PTPRN2: variants seen among roughly 807,000 people sequenced by gnomAD.
The protein encoded by PTPRN2 is protein tyrosine phosphatase receptor type N2, also known as receptor-type tyrosine-protein phosphatase N2.
In PTPRN2, 74 loss-of-function variants were observed where a neutral mutation model predicts 118.8. That is an observed-to-expected ratio of 0.62 (90% confidence interval 0.52 to 0.76). The LOEUF is 0.76. PTPRN2 is among the 30% of genes least tolerant of loss of function. PTPRN2 has a pLI of 0.00. For missense variants in PTPRN2, 1,481 were observed against 1,394.4 expected (o/e 1.06, Z -0.99); for synonymous variants, 641 against 608.0 (o/e 1.05, Z -0.80).
intron 2 of PTPRN2, among the ~76,000 whole-genome samples, chr7:158,481,200 C>G (rs1203516285): frequency 6.6e-6 from 1 of 152,250 alleles, no homozygotes; most frequent in Non-Finnish European, 1.5e-5. Flanking sequence ...CATGCTAAAT[C>G]TATGGCTGCC....
chr7:158,584,737 A>G (rs990971205), intron 1 of PTPRN2, among the ~76,000 whole-genome samples: 4 of 152,240 alleles, frequency 2.6e-5, no homozygotes, highest in African/African-American at 9.6e-5. Context: ...ATAAGTCAGC[A>G]TCGTGGAGTG....
intron 3 of PTPRN2, among the ~76,000 whole-genome samples, chr7:158,232,626 A>C (rs1245711399): frequency 6.6e-6 from 1 of 152,098 alleles, no homozygotes; most frequent in Non-Finnish European, 1.5e-5. Context: ...CAAAAGCTGA[A>C]AAGACAAGAC....
intron 11 of PTPRN2, among the ~76,000 whole-genome samples, chr7:157,952,002 C>T (rs1043407220): frequency 2.0e-5 from 3 of 152,218 alleles, no homozygotes; most frequent in South Asian, 2.1e-4. Context: ...GCCTGCGCCC[C>T]GCACTGCGTT....
chr7:158,232,300 G>A (rs1829208082), intron 3 of PTPRN2, among the ~76,000 whole-genome samples: 1 of 151,960 alleles, frequency 6.6e-6, no homozygotes, highest in African/African-American at 2.4e-5. Flanking sequence ...GGAATAAAAA[G>A]GATCATTAGA....
intron 11 of PTPRN2, among the ~76,000 whole-genome samples, chr7:157,909,160 A>T (rs774755316): frequency 1.1e-4 from 16 of 152,188 alleles, no homozygotes; most frequent in Non-Finnish European, 1.3e-4. Context: ...AATCCAATCC[A>T]CTGTCTTTTT....
At chr7:158,369,825 C>A (rs1208192136) in intron 2 of PTPRN2, among the ~76,000 whole-genome samples, 5 of 152,156 alleles carry the variant, frequency 3.3e-5, no homozygotes, top group African/African-American at 9.7e-5. Context: ...TAAAAAGCAT[C>A]TGATTTGTGT....
At chr7:158,365,024 TCATA>T (rs1417936014) in intron 2 of PTPRN2, among the ~76,000 whole-genome samples, 1 of 151,968 alleles carries the variant, frequency 6.6e-6, no homozygotes, top group Admixed American at 6.6e-5. Flanking sequence ...ATACATACAT[TCATA>T]CAGACACACA....
rs568707196 is a variant in PTPRN2, at chr7:157,728,672, C to T, written c.1789-45735G>A. Among the ~76,000 whole-genome samples, 111 of 152,308 alleles carry T rather than the reference C, an allele frequency of 7.3e-4. 1 individual carries two copies. The highest frequency in any genetic ancestry group is 2.5e-3 in the African/African-American group (105 of 41,568). On this transcript the variant is annotated intron_variant, in intron 12 of 22. Coordinates refer to ENST00000389418, the MANE Select transcript of PTPRN2 (RefSeq NM_002847.5). Reference sequence around the variant, plus strand: ...TGGGGCCTCAAAACCTGCCTGTCTGCGGCTCCTTCCTTTGCCTGGCTGCTA... The same window carrying T: ...TGGGGCCTCAAAACCTGCCTGTCTGTGGCTCCTTCCTTTGCCTGGCTGCTA...
chr7:158,193,252 G>A (rs1415341664), intron 4 of PTPRN2, among the ~76,000 whole-genome samples: 1 of 152,198 alleles, frequency 6.6e-6, no homozygotes, highest in African/African-American at 2.4e-5. Context: ...GGCTGGCCAG[G>A]GGCCCCATGG....
At chr7:157,797,680 G>A (rs543249858) in intron 12 of PTPRN2, among the ~76,000 whole-genome samples, 2 of 152,352 alleles carry the variant, frequency 1.3e-5, no homozygotes, top group Non-Finnish European at 1.5e-5. Context: ...ATCCTTCAAC[G>A]CGAAGCTTGC....
chr7:157,577,972 T>G, intron 18 of PTPRN2, 49 bp downstream of exon 18: 11 of 1,520,022 alleles, frequency 7.2e-6, no homozygotes, highest in Non-Finnish European at 9.8e-6. Flanking sequence ...GCAGGGCCCG[T>G]CCTCGTCCGG....
intron 2 of PTPRN2, among the ~76,000 whole-genome samples, chr7:158,483,035 G>C (rs2129445010): frequency 6.6e-6 from 1 of 152,306 alleles, no homozygotes; most frequent in Admixed American, 6.5e-5. Flanking sequence ...GAAGACTCCA[G>C]ACAGGCCTTG....
chr7:158,437,936 G>A (rs1287781391), intron 2 of PTPRN2, among the ~76,000 whole-genome samples: 1 of 152,206 alleles, frequency 6.6e-6, no homozygotes, highest in East Asian at 1.9e-4. Context: ...CTATGAGGTT[G>A]CCAAGTGCTC....
intron 21 of PTPRN2, among the ~76,000 whole-genome samples, chr7:157,552,628 AC>A (rs1369961884): frequency 6.6e-6 from 1 of 152,270 alleles, no homozygotes; most frequent in Non-Finnish European, 1.5e-5. Flanking sequence ...AAAATGTATT[AC>A]AACCAGTCTT....
chr7:158,407,137 CGTCCTGCGTCCTGG>C (rs1563254097), intron 2 of PTPRN2, among the ~76,000 whole-genome samples: 22 of 114,708 alleles, frequency 1.9e-4, no homozygotes, highest in South Asian at 9.5e-4. Flanking sequence ...CTGGGTCCTG[CGTCCTGCGTCCTGG>C]GTCCTGGGTC....
rs151158279 is a variant in PTPRN2, at chr7:158,189,736, G to A, written c.549+2591C>T. Among the ~76,000 whole-genome samples the A allele has an allele frequency of 1.8e-3, 275 of 152,308 alleles. 2 individuals are homozygous for A. The highest frequency in any genetic ancestry group is 5.1e-3 in the African/African-American group (213 of 41,564). ...ACTTTACTGATCATTCACTTCCAGC[G>A]TCTGGGGACGTGACGTCACGGCGCC... On this transcript the variant is annotated intron_variant, in intron 5 of 22. Coordinates refer to ENST00000389418, the MANE Select transcript of PTPRN2 (RefSeq NM_002847.5).
intron 12 of PTPRN2, among the ~76,000 whole-genome samples, chr7:157,870,413 C>T (rs936032580): frequency 3.3e-5 from 5 of 152,028 alleles, no homozygotes; most frequent in African/African-American, 1.2e-4. Context: ...GGGTGTTGTC[C>T]CTATAAACTT....
chr7:158,261,630 C>G (rs573967403), intron 3 of PTPRN2, among the ~76,000 whole-genome samples: 42 of 152,228 alleles, frequency 2.8e-4, no homozygotes, highest in African/African-American at 9.1e-4. Flanking sequence ...ATAGAGCACA[C>G]GAAGAGGATA....
intron 6 of PTPRN2, among the ~76,000 whole-genome samples, chr7:158,142,582 G>A (rs1005229556): frequency 3.3e-5 from 5 of 152,094 alleles, no homozygotes; most frequent in African/African-American, 4.8e-5. Flanking sequence ...TTTTTCATTA[G>A]CCTTGAGCCT....
Sources: gnomAD v4.1 joint callset for allele counts (sites outside exome capture counted in the v4.1 genomes callset) on GRCh38, gnomAD v4.1.1 for gene constraint, MANE v1.5 for transcripts, NCBI Gene and HGNC (gene_info 2026-07-23, HGNC 2026-07-21) for gene names.